The following ZFR variants were observed in gnomAD, a reference collection of about 807,000 sequenced individuals.
The protein encoded by ZFR is zinc finger RNA binding protein, also known as zinc finger RNA-binding protein.
A neutral mutation model predicts 130.7 loss-of-function variants in ZFR; 19 were observed. The observed-to-expected ratio is 0.15, with a 90% CI of 0.10 to 0.21. The LOEUF (loss-of-function observed/expected upper bound fraction) is 0.21, where lower values mean the gene tolerates loss of function less well. ZFR is among the 10% of genes least tolerant of loss of function. The pLI, the probability that ZFR is intolerant of heterozygous loss-of-function variation, is 1.00. For missense variants in ZFR, 872 were observed against 1,321.5 expected (o/e 0.66, Z 5.27); for synonymous variants, 466 against 456.9 (o/e 1.02, Z -0.25).
In ZFR at chr5:32,444,513, T is replaced by TGGC. The variant is rs1754560797; in HGVS notation, c.37+106_37+108dup. ...TCCCTCACTCACTCGCACGCCCGGG[T>TGGC]GGCGGCCGCCGCCTCCTCCCCGGAG... is the stretch of plus-strand genomic sequence containing the variant. On this transcript the variant is annotated intron_variant, in intron 1 of 19. Coordinates refer to ENST00000265069, the MANE Select transcript of ZFR (RefSeq NM_016107.5). 127 of 1,319,456 alleles carry TGGC rather than the reference T, an allele frequency of 9.6e-5. 2 individuals are homozygous for TGGC. The South Asian group carries it at 2.2e-3, about 23-fold the overall frequency. 81.7% of individuals were successfully genotyped at this position (1,319,456 alleles called of 1,614,324 possible). A position where few individuals can be genotyped will look rare whatever the true frequency, so the allele number is the denominator to read the frequency against.
chr5:32,444,306 A>C lies in ZFR; in HGVS notation c.60T>G (p.Asp20Glu). ...FTYVPSRLGE[D>E]AKMATGNYFG... Reference sequence around the variant, plus strand: ...AGTAGTTGCCGGTCGCCATTTTGGCATCTTCCCCCAGCCGGCTGGGCACTG... The same window carrying C: ...AGTAGTTGCCGGTCGCCATTTTGGCCTCTTCCCCCAGCCGGCTGGGCACTG... The change falls in exon 2 of 20, where the codon GAT (aspartate) becomes GAG (glutamate). Residue 20 changes from aspartate (D) to glutamate (E), a missense_variant. Asp to Glu is a conservative substitution (Grantham distance 45, BLOSUM62 2). This residue lies in a region of ZFR where 240 missense variants were observed against 441.2 expected (regional missense o/e 0.54). Transcript: ENST00000265069. 6.5e-7 allele frequency: 1 copy of C among 1,544,162 alleles called. No homozygotes were observed.
At chr5:32,361,871 CCTT>C (rs1218071135) in intron 19 of ZFR, among the ~76,000 whole-genome samples, 1 of 152,128 alleles carries the variant, frequency 6.6e-6, no homozygotes, top group Non-Finnish European at 1.5e-5. Context: ...GCCTTGACCT[CCTT>C]AAGTGCTGGG....
chr5:32,364,717 G>C (rs1279587031), intron 17 of ZFR: 1 of 152,122 alleles, frequency 6.6e-6, no homozygotes, highest in African/African-American at 2.4e-5. Context: ...AGCACCCTGA[G>C]TGATGGAGTG....
chr5:32,378,375 A>T (rs1003746612), intron 17 of ZFR, among the ~76,000 whole-genome samples: 2 of 152,216 alleles, frequency 1.3e-5, no homozygotes, highest in Admixed American at 6.5e-5. Flanking sequence ...GTACAGTTTT[A>T]AACTGTGATA....
chr5:32,439,514 A>T (rs555384347), intron 2 of ZFR, among the ~76,000 whole-genome samples: 1 of 152,234 alleles, frequency 6.6e-6, no homozygotes, highest in Non-Finnish European at 1.5e-5. Context: ...AGTCCCTAAG[A>T]CATCTCAAAA....
chr5:32,380,656 T>C (rs1339844670), intron 15 of ZFR, among the ~76,000 whole-genome samples: 5 of 74,922 alleles, frequency 6.7e-5, no homozygotes, highest in East Asian at 3.6e-4. Flanking sequence ...ATTTCTTTTT[T>C]TTTTTTTTTT....
chr5:32,354,516 C>A lies in ZFR; in HGVS notation c.*1244G>T, dbSNP rs1292961110. 6.6e-6 allele frequency: 1 copy of A among 152,604 alleles called. No homozygotes were observed. Among genetic ancestry groups the A allele is most frequent in the African/African-American group, 2.4e-5 (1 of 41,436 alleles). The allele number at this position is 152,604 out of a possible 1,614,324, so 9.5% of individuals were successfully genotyped here. ...AATGACATCTGTGTACCAGAGCATA[C>A]ATATATCAACAGTAAGATGTAATTT... On this transcript the variant is annotated 3_prime_UTR_variant, in exon 20 of 20. Transcript: ENST00000265069.
rs536179080 is a variant in ZFR, at chr5:32,370,008, G to C, written c.2836-5733C>G. Among the ~76,000 whole-genome samples, 286 of 151,656 alleles carry C rather than the reference G, an allele frequency of 1.9e-3. 6 individuals carry two copies. The highest frequency in any genetic ancestry group is 3.4e-3 in the Middle Eastern group (1 of 294). On this transcript the variant is annotated intron_variant, in intron 17 of 19. Coordinates refer to ENST00000265069, the MANE Select transcript of ZFR (RefSeq NM_016107.5). ...ATATTCTTGATATTTCATATAAATG[G>C]AATCACACAACATGTGACCTTTTGA...
rs573877400 is a variant in ZFR at position 32,444,524 on chromosome 5, G to T, written c.37+98C>A. The T allele has an allele frequency of 7.7e-5, 105 of 1,369,436 alleles. No individual in the cohort carries two copies. The African/African-American group carries it at 1.4e-3, about 18-fold the overall frequency. 84.8% of individuals were successfully genotyped at this position (1,369,436 alleles called of 1,614,324 possible). ...CTCGCACGCCCGGGTGGCGGCCGCC[G>T]CCTCCTCCCCGGAGCCTGCCCCAAC... On this transcript the variant is annotated intron_variant, in intron 1 of 19. Coordinates refer to ENST00000265069, the MANE Select transcript of ZFR (RefSeq NM_016107.5).
In ZFR at chr5:32,388,458, T is replaced by G; in HGVS notation, c.2348+11A>C. On this transcript the variant is annotated intron_variant, in intron 13 of 19. Coordinates refer to ENST00000265069, the MANE Select transcript of ZFR (RefSeq NM_016107.5). ...CAAAATTACACATGGTAAATAACTT[T>G]CAAAACACACCTGTCTTTACCTCCC... The G allele has an allele frequency of 6.2e-7, 1 of 1,611,426 alleles. No individual in the cohort carries two copies. The highest frequency in any genetic ancestry group is 8.5e-7 in the Non-Finnish European group (1 of 1,178,470).
At chr5:32,402,492 GT>G (rs1753474545) in intron 8 of ZFR, among the ~76,000 whole-genome samples, 1 of 151,946 alleles carries the variant, frequency 6.6e-6, no homozygotes, top group Admixed American at 6.6e-5. Flanking sequence ...AGGGCCATGC[GT>G]TGTGGTGCAT....
At chr5:32,404,197 G>T in intron 6 of ZFR, 100 bp from the exon 7 acceptor site, 1 of 1,082,560 alleles carries the variant, frequency 9.2e-7, no homozygotes, top group Non-Finnish European at 1.3e-6. Context: ...CTAAAAATGA[G>T]ACCAAAACAA....
rs1421080654 is a variant in ZFR, at chr5:32,403,212, C to T, written c.1410G>A (p.Thr470=). The T allele has an allele frequency of 6.2e-6, 10 of 1,614,050 alleles. No homozygotes were observed. Among genetic ancestry groups the T allele is most frequent in the South Asian group, 1.1e-5 (1 of 91,078 alleles). ...SVATSSMKGL[T]TTGNSSLNST... ...TATTAAGAGACGAGTTTCCTGTAGT[C>T]GTAAGACCCTTCATTGAAGACGTTG... Residue 470 remains threonine (T), a synonymous_variant, in exon 8 of 20, where the codon ACG becomes ACA. Coordinates refer to ENST00000265069, the MANE Select transcript of ZFR (RefSeq NM_016107.5).
intron 17 of ZFR, among the ~76,000 whole-genome samples, chr5:32,365,337 A>G (rs948036518): frequency 6.6e-6 from 1 of 152,154 alleles, no homozygotes; most frequent in Non-Finnish European, 1.5e-5. Flanking sequence ...AACTGCGTCA[A>G]CCTATTCACT....
At chr5:32,419,700 T>C (rs7445799) in intron 3 of ZFR, 121 bp downstream of exon 3, 242,319 of 1,446,540 alleles carry the variant, frequency 0.17, 22,549 homozygotes, top group African/African-American at 0.38. Context: ...TACTTTTCTC[T>C]ATCAGTACAT....
intron 2 of ZFR, among the ~76,000 whole-genome samples, chr5:32,422,636 A>G (rs1753981714): frequency 6.6e-6 from 1 of 151,830 alleles, no homozygotes; most frequent in South Asian, 2.1e-4. Context: ...ATCTCTACAG[A>G]AAATTTTTTA....
chr5:32,440,044 T>C (rs1754426567), intron 2 of ZFR, among the ~76,000 whole-genome samples: 1 of 152,202 alleles, frequency 6.6e-6, no homozygotes, highest in Admixed American at 6.5e-5. Flanking sequence ...TACTGAGAAT[T>C]ACCTTTCCTC....
intron 10 of ZFR, among the ~76,000 whole-genome samples, chr5:32,395,661 A>AGAGAGTAAGACCAACCCCTCC (rs1036761945): frequency 6.6e-6 from 1 of 152,142 alleles, no homozygotes; most frequent in African/African-American, 2.4e-5. Flanking sequence ...GCCACCCCTG[A>AGAGAGTAAGACCAACCCCTCC]GAGAGTAAGA....
intron 4 of ZFR, among the ~76,000 whole-genome samples, chr5:32,416,097 A>G (rs1753820472): frequency 6.6e-6 from 1 of 152,098 alleles, no homozygotes; most frequent in Non-Finnish European, 1.5e-5. Context: ...ACTCAAGTAG[A>G]ACTTATCTGC....
Sources: allele counts gnomAD v4.1 joint callset (sites outside exome capture counted in the v4.1 genomes callset), GRCh38; gene constraint gnomAD v4.1.1; regional missense constraint gnomAD v4.1.1; transcripts MANE v1.5; gene names NCBI Gene and HGNC (gene_info 2026-07-23, HGNC 2026-07-21).